Variants in BCAR3 observed in about 807,000 individuals in gnomAD.
BCAR3 encodes breast cancer anti-estrogen resistance protein 3.
BCAR3 carries 37 observed loss-of-function variants against 80.1 expected under a neutral mutation model. The observed-to-expected ratio is 0.46, with a 90% CI of 0.36 to 0.61. The LOEUF is 0.61. Ranked by LOEUF, BCAR3 falls within the 20% of genes least tolerant of loss-of-function variation. The pLI is 0.00. For synonymous variants in BCAR3, 389 were observed against 418.9 expected (o/e 0.93, Z 0.87); for missense variants, 978 against 1,068.2 (o/e 0.92, Z 1.18).
chr1:93,632,254 A>G (rs1350929614), intron 3 of BCAR3, among the ~76,000 whole-genome samples: 1 of 152,378 alleles, frequency 6.6e-6, no homozygotes, highest in Non-Finnish European at 1.5e-5. Context: ...GCAAAGGTGC[A>G]AACAGCCTAG....
At position 93,837,971 on chromosome 1, in the gene BCAR3, T is replaced by TC. The variant is rs758529817; in HGVS notation, c.-63+7595_-63+7596insG. Among the ~76,000 whole-genome samples the TC allele has an allele frequency of 2.3e-3, 343 of 152,362 alleles. 4 individuals carry two copies. Among genetic ancestry groups the TC allele is most frequent in the Non-Finnish European group, 1.4e-3 (96 of 68,032 alleles). On this transcript the variant is annotated intron_variant, in intron 2 of 13. Coordinates refer to the BCAR3 transcript ENST00000370244. ...TGTTCAAGGCTCTAGCATGGACTCT[T>TC]GTTAGGACAGTATCTACAGGGTCTT...
intron 2 of BCAR3, among the ~76,000 whole-genome samples, chr1:93,818,614 C>T (rs1249164638): frequency 6.6e-5 from 10 of 152,242 alleles, no homozygotes; most frequent in Non-Finnish European, 1.2e-4. Context: ...TACTTTCCAT[C>T]ATTAATCAAG....
intron 2 of BCAR3, among the ~76,000 whole-genome samples, chr1:93,810,183 A>C (rs2100802427): frequency 6.9e-6 from 1 of 143,974 alleles, no homozygotes; most frequent in South Asian, 2.2e-4. Context: ...ACAGAGCAAG[A>C]CTCCATCTCA....
chr1:93,726,868 A>C (rs776674135), intron 2 of BCAR3, among the ~76,000 whole-genome samples: 1 of 152,224 alleles, frequency 6.6e-6, no homozygotes, highest in Non-Finnish European at 1.5e-5. Context: ...TTTTGTATTT[A>C]TCAACAGCCT....
upstream of BCAR3, among the ~76,000 whole-genome samples, chr1:93,682,613 G>A (rs575102894): frequency 3.9e-5 from 6 of 152,252 alleles, no homozygotes; most frequent in South Asian, 2.1e-4. Context: ...GTTGTGCAAC[G>A]GCATGATCTT....
At chr1:93,696,252 G>A (rs1181747302) in intron 3 of BCAR3, among the ~76,000 whole-genome samples, 2 of 151,970 alleles carry the variant, frequency 1.3e-5, no homozygotes, top group Admixed American at 6.6e-5. Context: ...GTTGATTATG[G>A]GACAGACGGT....
intron 11 of BCAR3, among the ~76,000 whole-genome samples, chr1:93,564,902 T>G (rs1298129593): frequency 1.3e-5 from 2 of 152,212 alleles, no homozygotes; most frequent in African/African-American, 2.4e-5. Context: ...GGCAACTCTT[T>G]TAAAGAGAGA....
At chr1:93,721,210 C>G (rs1482809336) in intron 2 of BCAR3, among the ~76,000 whole-genome samples, 1 of 152,090 alleles carries the variant, frequency 6.6e-6, no homozygotes, top group Non-Finnish European at 1.5e-5. Context: ...TGGGAGGGGA[C>G]AGTTACTCAG....
chr1:93,632,788 G>GT (rs1210621003), intron 3 of BCAR3, among the ~76,000 whole-genome samples: 1 of 152,066 alleles, frequency 6.6e-6, no homozygotes, highest in African/African-American at 2.4e-5. Flanking sequence ...GGAGGCCGAG[G>GT]CAGTGGATCA....
intron 2 of BCAR3, among the ~76,000 whole-genome samples, chr1:93,828,923 C>T (rs895662611): frequency 2.6e-5 from 4 of 152,142 alleles, no homozygotes; most frequent in Non-Finnish European, 5.9e-5. Flanking sequence ...AACTCCTGGG[C>T]TCAAGTGATC....
In BCAR3 at chr1:93,825,520, T is replaced by C. The variant is rs1002023037; in HGVS notation, c.-63+20047A>G. On this transcript the variant is annotated intron_variant, in intron 2 of 13. Transcript: ENST00000370244. ...AAGCAGAGGTCACCCCAGCAGGAGA[T>C]AGTACCATTTCTTTTGTGGAAAGGA... is the stretch of plus-strand genomic sequence containing the variant. Among the ~76,000 whole-genome samples the C allele has an allele frequency of 1.1e-4, 15 of 134,016 alleles. 3 individuals are homozygous for C. Among genetic ancestry groups the C allele is most frequent in the African/African-American group, 3.5e-4 (14 of 39,900 alleles). The allele number at this position is 134,016 out of a possible 152,430, so 87.9% of individuals were successfully genotyped here.
chr1:93,727,149 T>G (rs1403870482), intron 2 of BCAR3, among the ~76,000 whole-genome samples: 1 of 152,250 alleles, frequency 6.6e-6, no homozygotes, highest in African/African-American at 2.4e-5. Context: ...GGTCTTAATC[T>G]GTGGAACTAT....
intron 2 of BCAR3, among the ~76,000 whole-genome samples, chr1:93,731,458 C>T (rs1053854697): frequency 3.9e-5 from 6 of 151,970 alleles, no homozygotes; most frequent in African/African-American, 1.5e-4. Flanking sequence ...AGGAGAGGCA[C>T]AACAACGATT....
chr1:93,579,352 T>C (rs1182007936), intron 7 of BCAR3, among the ~76,000 whole-genome samples: 1 of 152,162 alleles, frequency 6.6e-6, no homozygotes, highest in African/African-American at 2.4e-5. Flanking sequence ...TCCAGGAAGA[T>C]AACATGGAAA....
chr1:93,573,454 T>A (rs950162204), intron 8 of BCAR3, among the ~76,000 whole-genome samples: 7 of 151,932 alleles, frequency 4.6e-5, no homozygotes, highest in Non-Finnish European at 8.8e-5. Flanking sequence ...TAAATAGCAG[T>A]TGTTACTAGA....
At chr1:93,618,174 G>C (rs768325590) in intron 3 of BCAR3, among the ~76,000 whole-genome samples, 26 of 152,242 alleles carry the variant, frequency 1.7e-4, no homozygotes, top group Non-Finnish European at 3.2e-4. Flanking sequence ...TGCTCCGAAA[G>C]GGAATGCAAA....
chr1:93,638,227 C>A (rs1364780372), intron 3 of BCAR3, among the ~76,000 whole-genome samples: 1 of 152,164 alleles, frequency 6.6e-6, no homozygotes, highest in Non-Finnish European at 1.5e-5. Context: ...CCAGCCTGGG[C>A]AACAGAGCAA....
intron 2 of BCAR3, 71 bp downstream of exon 2, chr1:93,674,543 C>T (rs1387074766): frequency 1.3e-6 from 2 of 1,516,206 alleles, no homozygotes; most frequent in African/African-American, 2.8e-5. Context: ...AGCCACCACG[C>T]CCGGCCATAA....
At chr1:93,813,531 G>A (rs1653920222) in intron 2 of BCAR3, among the ~76,000 whole-genome samples, 1 of 152,088 alleles carries the variant, frequency 6.6e-6, no homozygotes, top group African/African-American at 2.4e-5. Flanking sequence ...CAGTATAAGG[G>A]ACTTCCATGT....
Sources: allele counts gnomAD v4.1 joint callset (sites outside exome capture counted in the v4.1 genomes callset), GRCh38; gene constraint gnomAD v4.1.1; transcripts MANE v1.5; gene names NCBI Gene and HGNC (gene_info 2026-07-23, HGNC 2026-07-21).